The following USP47 variants were observed in gnomAD, a reference collection of about 807,000 sequenced individuals.
The protein encoded by USP47 is ubiquitin carboxyl-terminal hydrolase 47.
Under a neutral mutation model 165.1 loss-of-function variants are expected in USP47, and 35 were observed. That is an observed-to-expected ratio of 0.21 (90% confidence interval 0.16 to 0.28). USP47 has a LOEUF of 0.28. Among genes scored for constraint, USP47 ranks in the 10% least tolerant of loss-of-function variants. The pLI is 1.00. For synonymous variants in USP47, 531 were observed against 544.5 expected (o/e 0.98, Z 0.35); for missense variants, 1,277 against 1,607.4 (o/e 0.79, Z 3.52).
intron 8 of USP47, 145 bp downstream of exon 8, chr11:11,905,693 A>T (rs187197781): frequency 1.2e-6 from 1 of 817,032 alleles, no homozygotes; most frequent in East Asian, 3.1e-5. Flanking sequence ...AGCAAGATCT[A>T]GAAGATTTTT....
rs151311820 is a variant in USP47 at position 11,859,350 on chromosome 11, T to C, written c.39+17126T>C. On this transcript the variant is annotated intron_variant, in intron 1 of 27. Coordinates refer to ENST00000527733, the MANE Select transcript of USP47 (RefSeq NM_001282659.2). Reference sequence around the variant, plus strand: ...TTGAGAAAGGGATTTACGTATTGACTGGCCTTGTGGAAAGGACAGTAGTTT... The same window carrying C: ...TTGAGAAAGGGATTTACGTATTGACCGGCCTTGTGGAAAGGACAGTAGTTT... 4.0e-3 allele frequency among the ~76,000 whole-genome samples: 604 copies of C among 152,320 alleles called. 6 individuals are homozygous for C. Among genetic ancestry groups the C allele is most frequent in the African/African-American group, 0.013 (558 of 41,564 alleles).
At chr11:11,948,821 G>A (rs970477509) in intron 22 of USP47, 1 of 329,088 alleles carries the variant, frequency 3.0e-6, no homozygotes, top group African/African-American at 2.1e-5. Context: ...CAGTGAACTT[G>A]GCCCTCAGGC....
rs144197383 is a variant in USP47 at position 11,845,283 on chromosome 11, A to G, written c.39+3059A>G. Among the ~76,000 whole-genome samples, 9 of 152,260 alleles carry G rather than the reference A, an allele frequency of 5.9e-5. No homozygotes were observed. In the East Asian group the frequency reaches 1.7e-3, roughly 29 times the overall value. On this transcript the variant is annotated intron_variant, in intron 1 of 27. Coordinates refer to ENST00000527733, the MANE Select transcript of USP47 (RefSeq NM_001282659.2). ...ATGAAACAGGTTTTTAATGTAGTCAAACAGGTTTCTCTCTAACTTGCATTT... is the reference window on the plus strand; with the variant it reads ...ATGAAACAGGTTTTTAATGTAGTCAGACAGGTTTCTCTCTAACTTGCATTT...
intron 1 of USP47, among the ~76,000 whole-genome samples, chr11:11,870,505 T>C (rs1849967961): frequency 6.6e-6 from 1 of 152,216 alleles, no homozygotes; most frequent in African/African-American, 2.4e-5. Context: ...TAAAGAACTG[T>C]CTTTAGCTAT....
chr11:11,927,765 G>C (rs1010196819), intron 11 of USP47, among the ~76,000 whole-genome samples: 3 of 152,118 alleles, frequency 2.0e-5, no homozygotes, highest in Non-Finnish European at 4.4e-5. Context: ...TTGTTAAATA[G>C]TAGTAAAAGA....
intron 1 of USP47, among the ~76,000 whole-genome samples, chr11:11,866,142 T>C (rs1027933230): frequency 1.3e-5 from 2 of 152,242 alleles, no homozygotes; most frequent in Non-Finnish European, 2.9e-5. Context: ...TTTATAGTTT[T>C]AGCTCTTACA....
chr11:11,871,091 T>A (rs2134244322), intron 1 of USP47, among the ~76,000 whole-genome samples: 1 of 152,262 alleles, frequency 6.6e-6, no homozygotes, highest in South Asian at 2.1e-4. Context: ...GCTTTTAAGC[T>A]TCCTAAGGTT....
At chr11:11,933,171 C>T (rs552148733) in intron 15 of USP47, 55 bp downstream of exon 15, 3 of 1,395,522 alleles carry the variant, frequency 2.1e-6, no homozygotes, top group South Asian at 1.2e-5. Context: ...AGCTCGCTTA[C>T]CTGCAATTCT....
intron 1 of USP47, among the ~76,000 whole-genome samples, chr11:11,846,425 C>A (rs1244963227): frequency 6.6e-6 from 1 of 152,050 alleles, no homozygotes; most frequent in Non-Finnish European, 1.5e-5. Context: ...AATACTTAAA[C>A]TGCAGTACTT....
intron 1 of USP47, among the ~76,000 whole-genome samples, chr11:11,847,458 G>C (rs972694704): frequency 1.3e-5 from 2 of 152,142 alleles, no homozygotes; most frequent in Non-Finnish European, 2.9e-5. Flanking sequence ...ATCTGTACTT[G>C]GTTGTACTCT....
At chr11:11,849,809 C>T (rs1848626627) in intron 1 of USP47, among the ~76,000 whole-genome samples, 2 of 152,230 alleles carry the variant, frequency 1.3e-5, no homozygotes, top group Admixed American at 6.5e-5. Context: ...CAATAGTTCT[C>T]TGGATGGGAT....
At chr11:11,913,124 T>G (rs967936105) in intron 8 of USP47, among the ~76,000 whole-genome samples, 2 of 151,940 alleles carry the variant, frequency 1.3e-5, no homozygotes, top group Admixed American at 6.6e-5. Context: ...CTACCACTCC[T>G]TTTCAGCATA....
In USP47 at chr11:11,954,959, A is replaced by G. The variant is rs1186213052; in HGVS notation, c.3762+15A>G. 1 of 1,613,868 alleles carries G rather than the reference A, an allele frequency of 6.2e-7. No individual in the cohort carries two copies. Among genetic ancestry groups the G allele is most frequent in the Non-Finnish European group, 8.5e-7 (1 of 1,179,934 alleles). On this transcript the variant is annotated intron_variant, in intron 26 of 27. Coordinates refer to ENST00000527733, the MANE Select transcript of USP47 (RefSeq NM_001282659.2). ...AATTTGCTAAGGTAAAGCCCTGAGAATGTTGCATCTGTGTATTGTGCATGA... is the reference window on the plus strand; with the variant it reads ...AATTTGCTAAGGTAAAGCCCTGAGAGTGTTGCATCTGTGTATTGTGCATGA...
intron 4 of USP47, among the ~76,000 whole-genome samples, chr11:11,895,935 T>C (rs1374784447): frequency 6.6e-6 from 1 of 152,208 alleles, no homozygotes; most frequent in Non-Finnish European, 1.5e-5. Context: ...AAAATATTGA[T>C]TCATAACTAT....
chr11:11,932,700 G>A (rs1854761535), intron 14 of USP47, among the ~76,000 whole-genome samples: 1 of 152,114 alleles, frequency 6.6e-6, no homozygotes, highest in Non-Finnish European at 1.5e-5. Flanking sequence ...TTATTTTCAA[G>A]TTGCAGAGAG....
chr11:11,943,202 G>A, intron 20 of USP47, 90 bp downstream of exon 20: 1 of 1,381,264 alleles, frequency 7.2e-7, no homozygotes, highest in Non-Finnish European at 9.8e-7. Context: ...TAGGTACTTA[G>A]TTCTAAGATC....
At chr11:11,911,549 C>G (rs754619085) in intron 8 of USP47, among the ~76,000 whole-genome samples, 1 of 151,824 alleles carries the variant, frequency 6.6e-6, no homozygotes, top group Non-Finnish European at 1.5e-5. Flanking sequence ...GTCAAACAAC[C>G]GAGAAGACAA....
intron 1 of USP47, among the ~76,000 whole-genome samples, chr11:11,868,410 G>T (rs1849821066): frequency 6.6e-6 from 1 of 152,088 alleles, no homozygotes. Context: ...TTTGGGGTTG[G>T]TTTTTTAAAA....
intron 8 of USP47, among the ~76,000 whole-genome samples, chr11:11,909,223 T>C (rs1054800605): frequency 6.6e-6 from 1 of 152,176 alleles, no homozygotes; most frequent in Non-Finnish European, 1.5e-5. Context: ...GTTTTACATA[T>C]TTTTTATTAA....
Sources: allele counts gnomAD v4.1 joint callset (sites outside exome capture counted in the v4.1 genomes callset), GRCh38; gene constraint gnomAD v4.1.1; transcripts MANE v1.5; gene names NCBI Gene and HGNC (gene_info 2026-07-23, HGNC 2026-07-21).